The following FRMD5 variants were observed in gnomAD, a reference collection of about 807,000 sequenced individuals.
FRMD5 encodes FERM domain containing 5, also known as FERM domain-containing protein 5.
In FRMD5, 20 loss-of-function variants were observed where a neutral mutation model predicts 69.0. That is an observed-to-expected ratio of 0.29 (90% CI 0.20 to 0.42). The LOEUF (loss-of-function observed/expected upper bound fraction) is 0.42. Among genes scored for constraint, FRMD5 ranks in the 10% least tolerant of loss-of-function variants. The pLI is 1.00. For synonymous variants in FRMD5, 271 were observed against 260.1 expected, an observed-to-expected ratio of 1.04 and a Z score of -0.40; for missense variants, 595 against 708.6, an observed-to-expected ratio of 0.84 and a Z score of 1.82.
chr15:43,987,440 C>A (rs1238539464), intron 1 of FRMD5, among the ~76,000 whole-genome samples: 1 of 152,206 alleles, frequency 6.6e-6, no homozygotes, highest in Non-Finnish European at 1.5e-5. Context: ...GGTCCTCAAC[C>A]TTTTTGGCAC....
rs1555392737 is a variant in FRMD5, at chr15:43,999,963, T to TATATATGCCATGC, written c.103-75655_103-75654insGCATGGCATATAT. Among the ~76,000 whole-genome samples, 45 of 75,962 alleles carry TATATATGCCATGC rather than the reference T, an allele frequency of 5.9e-4. 2 individuals are homozygous for TATATATGCCATGC. Among genetic ancestry groups the TATATATGCCATGC allele is most frequent in the African/African-American group, 3.3e-3 (43 of 13,222 alleles). The allele number at this position is 75,962 out of a possible 152,430, so 49.8% of individuals were successfully genotyped here. A position where few individuals can be genotyped will look rare whatever the true frequency, so the allele number is the denominator to read the frequency against. On this transcript the variant is annotated intron_variant, in intron 1 of 13. Coordinates refer to ENST00000417257, the MANE Select transcript of FRMD5 (RefSeq NM_032892.5). ...TATATATATGCCATGCATATATATA[T>TATATATGCCATGC]ATATATATATATATATATATATATA...
intron 1 of FRMD5, among the ~76,000 whole-genome samples, chr15:44,089,494 A>T (rs1894345098): frequency 6.6e-6 from 1 of 152,048 alleles, no homozygotes; most frequent in Non-Finnish European, 1.5e-5. Context: ...CTTGAGCTCA[A>T]GAGTTGGAGA....
At chr15:44,068,614 G>A (rs1370153622) in intron 1 of FRMD5, among the ~76,000 whole-genome samples, 3 of 152,202 alleles carry the variant, frequency 2.0e-5, no homozygotes, top group African/African-American at 7.2e-5. Flanking sequence ...AGAGTGCAGA[G>A]TGACTGCTAA....
Position 44,113,277 on chromosome 15 carries a change from C to T in FRMD5, c.102+81676G>A, listed in dbSNP as rs372898262. Among the ~76,000 whole-genome samples, 269 of 152,308 alleles carry T rather than the reference C, an allele frequency of 1.8e-3. 1 individual carries two copies. In the Middle Eastern group the frequency reaches 0.02, roughly 12 times the overall value. The stretch of plus-strand genomic sequence containing the variant: ...GTAGGGTTTTGCTCCCTTCTCATTT[C>T]GCATCACTAAGTCCACTGCCTGATT... On this transcript the variant is annotated intron_variant, in intron 1 of 13. Coordinates refer to ENST00000417257, the MANE Select transcript of FRMD5 (RefSeq NM_032892.5).
chr15:44,087,131 G>A (rs1405719545), intron 1 of FRMD5, among the ~76,000 whole-genome samples: 1 of 152,126 alleles, frequency 6.6e-6, no homozygotes, highest in African/African-American at 2.4e-5. Flanking sequence ...CAATTCTCAT[G>A]CCTCAGCCTT....
At chr15:44,174,508 A>G (rs2077859530) in intron 1 of FRMD5, among the ~76,000 whole-genome samples, 1 of 152,214 alleles carries the variant, frequency 6.6e-6, no homozygotes, top group Admixed American at 6.5e-5. Context: ...AACCAAGCAC[A>G]GTAATTTTGG....
chr15:44,109,068 G>C (rs2623016), intron 1 of FRMD5, among the ~76,000 whole-genome samples: 1 of 151,794 alleles, frequency 6.6e-6, no homozygotes, highest in African/African-American at 2.4e-5. Flanking sequence ...CTTAGTGCCC[G>C]GCCCATAATA....
At chr15:44,134,596 G>A (rs745455289) in intron 1 of FRMD5, among the ~76,000 whole-genome samples, 2 of 152,182 alleles carry the variant, frequency 1.3e-5, no homozygotes, top group African/African-American at 4.8e-5. Flanking sequence ...TTACAGGCGC[G>A]CGCCACTATC....
chr15:44,136,859 T>C (rs1401199270), intron 1 of FRMD5, among the ~76,000 whole-genome samples: 2 of 152,156 alleles, frequency 1.3e-5, no homozygotes, highest in Non-Finnish European at 2.9e-5. Flanking sequence ...AATGGCTGTG[T>C]AGGTTCATAC....
At chr15:44,031,966 A>G (rs1301211127) in intron 1 of FRMD5, among the ~76,000 whole-genome samples, 1 of 152,194 alleles carries the variant, frequency 6.6e-6, no homozygotes, top group Non-Finnish European at 1.5e-5. Flanking sequence ...GCAAGTCTAC[A>G]GTACCCAAAA....
At position 44,126,011 on chromosome 15, in the gene FRMD5, C is replaced by A. The variant is rs138505019; in HGVS notation, c.102+68942G>T. Among the ~76,000 whole-genome samples, 706 of 152,278 alleles carry A rather than the reference C, an allele frequency of 4.6e-3. 10 individuals carry two copies. Among genetic ancestry groups the A allele is most frequent in the African/African-American group, 0.016 (674 of 41,552 alleles). On this transcript the variant is annotated intron_variant, in intron 1 of 13. Coordinates refer to ENST00000417257, the MANE Select transcript of FRMD5 (RefSeq NM_032892.5). The stretch of plus-strand genomic sequence containing the variant: ...AAATTACCTTTCACTTGAAGAAATT[C>A]CCACAGAGTTATGATCAGATAGTAT...
rs2140360642 is a variant in FRMD5, at chr15:43,886,409, C to A, written c.885-654G>T. On this transcript the variant is annotated intron_variant, in intron 10 of 13. Transcript: ENST00000417257. ...TTTGAATTTGGAGCCTTTCTCCCTC[C>A]CCCAGGATATCTATTTTATATCTCG... Among the ~76,000 whole-genome samples the A allele has an allele frequency of 2.6e-5, 4 of 152,312 alleles. No homozygotes were observed. In the South Asian group the frequency reaches 8.3e-4, roughly 32 times the overall value.
intron 1 of FRMD5, among the ~76,000 whole-genome samples, chr15:44,033,268 G>A (rs1891765590): frequency 6.6e-6 from 1 of 152,080 alleles, no homozygotes; most frequent in Admixed American, 6.6e-5. Flanking sequence ...AGAGAAAGGA[G>A]CAGAAAAGAT....
At chr15:44,117,974 C>T (rs957080012) in intron 1 of FRMD5, among the ~76,000 whole-genome samples, 2 of 141,102 alleles carry the variant, frequency 1.4e-5, no homozygotes, top group Admixed American at 1.4e-4. Context: ...ATCTGGATTC[C>T]ATTTCTTTCT....
chr15:44,167,686 T>G (rs998722699), intron 1 of FRMD5, among the ~76,000 whole-genome samples: 6 of 152,040 alleles, frequency 3.9e-5, no homozygotes, highest in Admixed American at 6.5e-5. Flanking sequence ...GCCTCCCAGG[T>G]TGAAGTGATT....
chr15:44,066,335 C>G (rs984970240), intron 1 of FRMD5, among the ~76,000 whole-genome samples: 1 of 152,192 alleles, frequency 6.6e-6, no homozygotes, highest in Admixed American at 6.5e-5. Flanking sequence ...AATCTACTTT[C>G]AAAAGCTATA....
chr15:44,007,268 T>A (rs886085595), intron 1 of FRMD5, among the ~76,000 whole-genome samples: 3 of 152,188 alleles, frequency 2.0e-5, no homozygotes, highest in African/African-American at 7.2e-5. Context: ...TACAGTATAG[T>A]GAAACATAAC....
At chr15:43,921,643 A>C (rs1045262191) in intron 2 of FRMD5, among the ~76,000 whole-genome samples, 1 of 152,202 alleles carries the variant, frequency 6.6e-6, no homozygotes, top group Non-Finnish European at 1.5e-5. Flanking sequence ...ACTAGCAAAC[A>C]GACAACATGG....
rs562285892 is a variant in FRMD5, at chr15:44,076,324, G to A, written c.102+118629C>T. On this transcript the variant is annotated intron_variant, in intron 1 of 13. Coordinates refer to ENST00000417257, the MANE Select transcript of FRMD5 (RefSeq NM_032892.5). Reference sequence around the variant, plus strand: ...TGCTGCTATAAAGACACATGCACACGTATGTTTATTGTGGCATTATTCACA... The same window carrying A: ...TGCTGCTATAAAGACACATGCACACATATGTTTATTGTGGCATTATTCACA... 2.5e-4 allele frequency among the ~76,000 whole-genome samples: 37 copies of A among 150,974 alleles called. No homozygotes were observed. The South Asian group carries it at 7.8e-3, about 32-fold the overall frequency.
Sources: gnomAD v4.1 joint callset for allele counts (sites outside exome capture counted in the v4.1 genomes callset) on GRCh38, gnomAD v4.1.1 for gene constraint, MANE v1.5 for transcripts, NCBI Gene and HGNC (gene_info 2026-07-23, HGNC 2026-07-21) for gene names.